The following ZNF334 variants were observed in gnomAD, a reference collection of about 807,000 sequenced individuals.
ZNF334 encodes the protein zinc finger protein 334.
In ZNF334, 14 loss-of-function variants were observed where a neutral mutation model predicts 12.4. That is an observed-to-expected ratio of 1.13 (90% CI 0.74 to 1.76). The LOEUF is 1.76. ZNF334 is among the 40% of genes most tolerant of loss of function. The probability of loss-of-function intolerance (pLI) is 0.00; values close to 1 mark genes in which losing one functional copy is unlikely to be tolerated. For synonymous variants in ZNF334, 273 were observed against 269.6 expected (o/e 1.01, Z -0.12); for missense variants, 797 against 804.5 (o/e 0.99, Z 0.11).
the ZNF334 span, chr20:46,464,758 G>A: frequency 1.2e-4 from 62 of 503,250 alleles, no homozygotes; most frequent in African/African-American, 1.1e-3. Context: ...GGCAGTGTAC[G>A]CTGCAGTAGA....
At chr20:46,488,739 G>A in the ZNF334 span, among the ~76,000 whole-genome samples, 1 of 150,616 alleles carries the variant, frequency 6.6e-6, no homozygotes, top group African/African-American at 2.4e-5. Context: ...CTGTATTTCT[G>A]GAAAGGTCTT....
At chr20:46,473,257 T>C in the ZNF334 span, among the ~76,000 whole-genome samples, 1 of 152,238 alleles carries the variant, frequency 6.6e-6, no homozygotes, top group African/African-American at 2.4e-5. Context: ...GTACCTTTTC[T>C]GTTCTAAGTA....
At chr20:46,493,631 T>C in the ZNF334 span, among the ~76,000 whole-genome samples, 2 of 152,192 alleles carry the variant, frequency 1.3e-5, no homozygotes, top group African/African-American at 2.4e-5. Flanking sequence ...CATTAAGAAA[T>C]AGCTCATTTG....
At chr20:46,503,874 G>C (rs1287359786) in intron 4 of ZNF334, among the ~76,000 whole-genome samples, 2 of 152,242 alleles carry the variant, frequency 1.3e-5, no homozygotes, top group Non-Finnish European at 2.9e-5. Context: ...ACAGATCTCT[G>C]AATGTCTGAA....
At chr20:46,505,731 C>T (rs902568599) in intron 2 of ZNF334, 8 of 153,754 alleles carry the variant, frequency 5.2e-5, no homozygotes, top group African/African-American at 1.9e-4. Flanking sequence ...CATGTCACAA[C>T]AGCTGTGCCA....
chr20:46,510,600 C>A (rs1325858749), intron 2 of ZNF334, among the ~76,000 whole-genome samples: 2 of 151,646 alleles, frequency 1.3e-5, no homozygotes, highest in Admixed American at 1.3e-4. Flanking sequence ...GTGGCGGGTG[C>A]CTGTAGTCCC....
At chr20:46,498,949 C>T (rs967733365), downstream of ZNF334, among the ~76,000 whole-genome samples, 15 of 151,734 alleles carry the variant, frequency 9.9e-5, no homozygotes, top group Middle Eastern at 3.4e-3. Context: ...CCGAGGCGGG[C>T]GGATCACGAG....
rs1464563821 is a variant in ZNF334, at chr20:46,513,522, G to A, written c.-1021C>T. 5.3e-5 allele frequency: 8 copies of A among 152,314 alleles called. No individual in the cohort carries two copies. Among genetic ancestry groups the A allele is most frequent in the Admixed American group, 1.3e-4 (2 of 15,294 alleles). The allele number at this position is 152,314 out of a possible 1,614,324, so 9.4% of individuals were successfully genotyped here. On this transcript the variant is annotated 5_prime_UTR_variant, in exon 1 of 5. Coordinates refer to ENST00000692313, the MANE Select transcript of ZNF334 (RefSeq NM_001353824.2). The stretch of plus-strand genomic sequence containing the variant: ...CAGGTCCAAGTCTCGGCGGGACCAG[G>A]GATTCACGGGCTGCAGGACCCTCAC...
chr20:46,463,696 T>G, the ZNF334 span: 1 of 172,232 alleles, frequency 5.8e-6, no homozygotes, highest in Non-Finnish European at 1.1e-5. Context: ...TTTTTGAAAC[T>G]TTTTTCCACA....
chr20:46,469,024 G>A, the ZNF334 span, among the ~76,000 whole-genome samples: 1 of 152,142 alleles, frequency 6.6e-6, no homozygotes, highest in East Asian at 1.9e-4. Flanking sequence ...CTGACCTGAT[G>A]ACAGTACTGA....
intron 2 of ZNF334, chr20:46,506,518 A>T (rs917905181): frequency 2.5e-6 from 1 of 392,952 alleles, no homozygotes; most frequent in Non-Finnish European, 4.5e-6. Flanking sequence ...CGGGTGGCTG[A>T]GGCAAGAGGA....
chr20:46,509,814 C>T, intron 2 of ZNF334: 1 of 617,708 alleles, frequency 1.6e-6, no homozygotes, highest in Admixed American at 2.5e-5. Context: ...AAGGGGATGG[C>T]AGAATATGGA....
chr20:46,508,472 A>C (rs2061517996), intron 2 of ZNF334, among the ~76,000 whole-genome samples: 1 of 152,248 alleles, frequency 6.6e-6, no homozygotes, highest in Admixed American at 6.5e-5. Context: ...CTATGTTCAC[A>C]ATGTAGGCAG....
At chr20:46,478,669 G>A in the ZNF334 span, among the ~76,000 whole-genome samples, 2 of 152,188 alleles carry the variant, frequency 1.3e-5, no homozygotes, top group African/African-American at 4.8e-5. Flanking sequence ...ACTTTGCTGA[G>A]AGGAGAGGTC....
At chr20:46,475,324 C>G in the ZNF334 span, among the ~76,000 whole-genome samples, 1 of 152,026 alleles carries the variant, frequency 6.6e-6, no homozygotes, top group Non-Finnish European at 1.5e-5. Flanking sequence ...CAAAATGAAT[C>G]ATGGACATAA....
the ZNF334 span, among the ~76,000 whole-genome samples, chr20:46,489,574 CTT>C: frequency 1.4e-5 from 2 of 147,678 alleles, no homozygotes; most frequent in Admixed American, 7.0e-5. Flanking sequence ...AGGAGAATCA[CTT>C]GAGCCTGGGA....
At chr20:46,474,754 AACAG>A in the ZNF334 span, 1 of 152,266 alleles carries the variant, frequency 6.6e-6, no homozygotes, top group Non-Finnish European at 1.5e-5. Context: ...CAAAATGCTA[AACAG>A]ACAAAGTCTT....
At chr20:46,495,764 G>A (rs2061011709), downstream of ZNF334, among the ~76,000 whole-genome samples, 1 of 151,932 alleles carries the variant, frequency 6.6e-6, no homozygotes, top group African/African-American at 2.4e-5. Flanking sequence ...CAAACCCTCT[G>A]GGAGTTGGAT....
chr20:46,493,490 T>C, the ZNF334 span, among the ~76,000 whole-genome samples: 3 of 152,164 alleles, frequency 2.0e-5, no homozygotes, highest in Admixed American at 2.0e-4. Flanking sequence ...GTTTCTGCTG[T>C]CTTGTCTAAA....
Sources: gnomAD v4.1 joint callset for allele counts (sites outside exome capture counted in the v4.1 genomes callset) on GRCh38, gnomAD v4.1.1 for gene constraint, MANE v1.5 for transcripts, NCBI Gene and HGNC (gene_info 2026-07-23, HGNC 2026-07-21) for gene names.